Variants in POLE observed in about 807,000 individuals in gnomAD.
POLE encodes the protein DNA polymerase epsilon catalytic subunit A.
A neutral mutation model predicts 279.2 loss-of-function variants in POLE; 188 were observed. The observed-to-expected ratio is 0.67, with a 90% CI of 0.60 to 0.76. POLE has a LOEUF of 0.76. POLE is among the 30% of genes least tolerant of loss of function. The pLI, the probability that POLE is intolerant of heterozygous loss-of-function variation, is 0.00. For missense variants in POLE, 2,703 were observed against 3,016.7 expected (o/e 0.90, Z 2.44); for synonymous variants, 1,214 against 1,172.5 (o/e 1.04, Z -0.72).
In POLE at chr12:132,673,270, GC is replaced by G; in HGVS notation, c.1366del (p.Ala456ProfsTer16). 6.2e-7 allele frequency: 1 copy of G among 1,604,516 alleles called. No individual in the cohort carries two copies. The highest frequency in any genetic ancestry group is 8.5e-7 in the Non-Finnish European group (1 of 1,171,238). On this transcript the variant is annotated frameshift_variant, in exon 14 of 49. Transcript: ENST00000320574. LOFTEE classifies it high-confidence loss of function. ...GACAGCATCTGACACAGAATACGTG[GC>G]CAGAGTCTGAGGAGAGAACGCCAGA... ...RMATEQPQTL[A>X]TYSVSDAVAT...
At position 132,677,468 on chromosome 12, in the gene POLE, T is replaced by C. The variant is rs749201176; in HGVS notation, c.721-25A>G. ...CCTGCAAAACACACAGTGTGCTAAC[T>C]AGAGTTCTACATCCAGGAAAGTCTA... On this transcript the variant is annotated intron_variant, in intron 7 of 48. Coordinates refer to ENST00000320574, the MANE Select transcript of POLE (RefSeq NM_006231.4). 4 of 1,610,180 alleles carry C rather than the reference T, an allele frequency of 2.5e-6. No individual in the cohort carries two copies. Among genetic ancestry groups the C allele is most frequent in the South Asian group, 1.1e-5 (1 of 91,004 alleles).
At chr12:132,660,210 A>C (rs1053968046) in intron 25 of POLE, 4 of 153,750 alleles carry the variant, frequency 2.6e-5, no homozygotes, top group African/African-American at 9.6e-5. Context: ...CCAGTGTGGC[A>C]CCCACATCCA....
Position 132,649,848 on chromosome 12 carries a change from A to G in POLE, c.3624T>C (p.Ser1208=), listed in dbSNP as rs2138615092. Residue 1208 remains serine, a synonymous_variant, in exon 30 of 49, where the codon AGT becomes AGC. Coordinates refer to ENST00000320574, the MANE Select transcript of POLE (RefSeq NM_006231.4). ...GGCCGAAGTCCTCCATGTCAGGAGCACTTGGCCTCGGACTGTCTTCTGAGG... is the reference window on the plus strand; with the variant it reads ...GGCCGAAGTCCTCCATGTCAGGAGCGCTTGGCCTCGGACTGTCTTCTGAGG... ...AEASEDSPRP[S]APDMEDFGLV... 1 of 1,614,118 alleles carries G rather than the reference A, an allele frequency of 6.2e-7. No homozygotes were observed. Among genetic ancestry groups the G allele is most frequent in the Non-Finnish European group, 8.5e-7 (1 of 1,180,028 alleles).
intron 12 of POLE, among the ~76,000 whole-genome samples, chr12:132,674,699 T>G (rs924791445): frequency 1.3e-5 from 2 of 152,176 alleles, no homozygotes; most frequent in African/African-American, 4.8e-5. Context: ...CCCAGCCTCC[T>G]GGCCTCCCTC....
chr12:132,632,829 T>G (rs775775035), intron 43 of POLE, 34 bp from the exon 44 acceptor site: 44 of 1,562,464 alleles, frequency 2.8e-5, no homozygotes, highest in Non-Finnish European at 3.8e-5. Context: ...AGGCCCTGAG[T>G]CGGGCTGCTG....
rs781298285 is a variant in POLE, at chr12:132,649,445, C to T, written c.3866G>A (p.Arg1289His). The change falls in exon 31 of 49, where the codon CGC becomes CAC. Residue 1289 changes from arginine (R) to histidine (H), a missense_variant. By Grantham distance (29) the Arg-to-His change is conservative. This residue lies in a region of POLE where 1,551 missense variants were observed against 1,686.1 expected (regional missense o/e 0.92). Transcript: ENST00000320574. ...CGACTCCAGACGCTGCCTCTTCCTG[C>T]GGGCGAGGCGCTGCCGGGCCTGCAG... The part of the protein sequence containing the change: ...WQLQARQRLA[R>H]RKRQRLESAE... 19 of 1,612,302 alleles carry T rather than the reference C, an allele frequency of 1.2e-5. No individual in the cohort carries two copies. The highest frequency in any genetic ancestry group is 1.3e-5 in the African/African-American group (1 of 74,938).
chr12:132,668,626 G>C lies in POLE; in HGVS notation c.2026+9C>G, dbSNP rs373790607. ...CCACCGAGTGCCCACCCAGGCGGCCGACACTCACTGAACTCGCCCCTCCAC... is the reference window on the plus strand; with the variant it reads ...CCACCGAGTGCCCACCCAGGCGGCCCACACTCACTGAACTCGCCCCTCCAC... On this transcript the variant is annotated intron_variant, in intron 18 of 48. Transcript: ENST00000320574. The surrounding 1 kb of genome is among the most constrained non-coding windows in gnomAD (Gnocchi z 4.0). 1 of 1,607,200 alleles carries C rather than the reference G, an allele frequency of 6.2e-7. No individual in the cohort carries two copies. The highest frequency in any genetic ancestry group is 8.5e-7 in the Non-Finnish European group (1 of 1,174,416).
intron 42 of POLE, 66 bp downstream of exon 42, chr12:132,635,826 G>C (rs1048036450): frequency 6.5e-7 from 1 of 1,548,314 alleles, no homozygotes; most frequent in South Asian, 1.2e-5. Context: ...TGAGCACTCA[G>C]CACTTGCTGC....
Position 132,665,412 on chromosome 12 carries a change from G to A in POLE, c.2358C>T (p.Gly786=), listed in dbSNP as rs1278181584. The A allele has an allele frequency of 6.2e-6, 10 of 1,612,718 alleles. No homozygotes were observed. Among genetic ancestry groups the A allele is most frequent in the South Asian group, 5.5e-5 (5 of 91,054 alleles). The change falls in exon 21 of 49, where the codon GGC becomes GGT. Residue 786 remains glycine (G), a synonymous_variant. Coordinates refer to ENST00000320574, the MANE Select transcript of POLE (RefSeq NM_006231.4). ...TGCAGCGCTTCACCTCAGCCGCGTC[G>A]CCCACCTCCACGGCCGCCGAGAGCT... ...KKKLSAAVEV[G]DAAEVKRCKN...
chr12:132,671,046 T>C (rs1232404721), intron 16 of POLE, among the ~76,000 whole-genome samples: 1 of 149,254 alleles, frequency 6.7e-6, no homozygotes, highest in Non-Finnish European at 1.5e-5. Context: ...GCAGATCACT[T>C]ACAGTCAGGA....
Position 132,641,653 on chromosome 12 carries a change from G to A in POLE, c.5372C>T (p.Thr1791Ile), listed in dbSNP as rs562111798. ...SYDETALCSN[T>I]FRILKSMVVG... is the part of the protein sequence containing the mutation. ...TTCCCAGAGAGGGTGGCACCTGAAG[G>A]TGTTAGAGCACAGGGCTGTCTCATC... The change falls in exon 39 of 49, where the codon ACC (threonine) becomes ATC (isoleucine). Residue 1791 changes from threonine to isoleucine, a missense_variant. By Grantham distance (89) the Thr-to-Ile change is moderately conservative (BLOSUM62 -1). Around this residue, in one of 5 missense-constraint regions of POLE, gnomAD observed 1,551 missense variants for 1,686.1 expected, o/e 0.92. Coordinates refer to ENST00000320574, the MANE Select transcript of POLE (RefSeq NM_006231.4). 1.9e-6 allele frequency: 3 copies of A among 1,613,618 alleles called. No homozygotes were observed. Among genetic ancestry groups the A allele is most frequent in the African/African-American group, 1.3e-5 (1 of 75,046 alleles).
intron 32 of POLE, among the ~76,000 whole-genome samples, chr12:132,645,461 C>G (rs1197780406): frequency 2.6e-5 from 4 of 152,188 alleles, no homozygotes; most frequent in Admixed American, 2.6e-4. Flanking sequence ...GTCCCAGGCT[C>G]ACTACGAGCT....
Position 132,636,154 on chromosome 12 carries a change from C to T in POLE, c.5679-130G>A, listed in dbSNP as rs900267448. ...TGAATTTGAAAGTTCATTCAGACCA[C>T]ATCATCCCTCAGGCTTCCTGGGGAA... On this transcript the variant is annotated intron_variant, in intron 41 of 48. Coordinates refer to ENST00000320574, the MANE Select transcript of POLE (RefSeq NM_006231.4). 19 of 932,430 alleles carry T rather than the reference C, an allele frequency of 2.0e-5. No homozygotes were observed. The African/African-American group carries it at 2.3e-4, about 11-fold the overall frequency. The allele number at this position is 932,430 out of a possible 1,614,324, so 57.8% of individuals were successfully genotyped here.
chr12:132,640,825 A>G (rs1481563096), intron 39 of POLE, among the ~76,000 whole-genome samples: 1 of 152,100 alleles, frequency 6.6e-6, no homozygotes, highest in Non-Finnish European at 1.5e-5. Context: ...TCTACCTTTC[A>G]GGCCTGGGCT....
chr12:132,647,273 T>C (rs1420101071), intron 32 of POLE, among the ~76,000 whole-genome samples: 1 of 152,022 alleles, frequency 6.6e-6, no homozygotes, highest in African/African-American at 2.4e-5. Flanking sequence ...CACTCCAGCC[T>C]GGGTGATGGA....
intron 29 of POLE, chr12:132,650,152 C>T (rs904198554): frequency 1.5e-5 from 7 of 470,550 alleles, no homozygotes; most frequent in East Asian, 1.2e-4. Flanking sequence ...GAGGCTGCGG[C>T]GAACTATGAT....
chr12:132,648,751 C>A, intron 32 of POLE, 178 bp downstream of exon 32: 1 of 639,236 alleles, frequency 1.6e-6, no homozygotes, highest in Admixed American at 3.0e-5. Flanking sequence ...CAGCTCCATT[C>A]CCGGCACTCG....
chr12:132,641,687 C>T lies in POLE; in HGVS notation c.5338G>A (p.Ala1780Thr), dbSNP rs766932020. The T allele has an allele frequency of 5.0e-6, 8 of 1,613,852 alleles. No individual in the cohort carries two copies. ...CACAGGGCTGTCTCATCGTAGCTGG[C>T]CGGGGCACTGGCAGCCTGACCACCC... is the stretch of plus-strand genomic sequence containing the variant. ...ITGGQAASAP[A>T]SYDETALCSN... The change falls in exon 39 of 49, where the codon GCC becomes ACC. Residue 1780 changes from alanine (A) to threonine (T), a missense_variant. Ala to Thr is a moderately conservative substitution (Grantham distance 58, BLOSUM62 0). This residue lies in a region of POLE where 1,551 missense variants were observed against 1,686.1 expected (regional missense o/e 0.92). Coordinates refer to ENST00000320574, the MANE Select transcript of POLE (RefSeq NM_006231.4).
chr12:132,665,153 G>T, intron 21 of POLE, 149 bp downstream of exon 21: 1 of 845,226 alleles, frequency 1.2e-6, no homozygotes, highest in Non-Finnish European at 1.8e-6. Context: ...CAACCTCCCA[G>T]CCCCACCCCA....
Sources: gnomAD v4.1 joint callset for allele counts (sites outside exome capture counted in the v4.1 genomes callset) on GRCh38, gnomAD v4.1.1 for gene constraint, gnomAD v4.1.1 regional missense constraint, Gnocchi (gnomAD v3.1) non-coding constraint, MANE v1.5 for transcripts, NCBI Gene and HGNC (gene_info 2026-07-23, HGNC 2026-07-21) for gene names.